The following AQP9 variants were observed in gnomAD, a reference collection of about 807,000 sequenced individuals.
AQP9 encodes aquaporin-9.
In AQP9, 19 loss-of-function variants were observed where a neutral mutation model predicts 23.8. That is an observed-to-expected ratio of 0.80 (90% CI 0.56 to 1.17). The LOEUF (loss-of-function observed/expected upper bound fraction) is 1.17, where lower values mean the gene tolerates loss of function less well. Among genes scored for constraint, AQP9 ranks in the 50% most tolerant of loss-of-function variants. The pLI, the probability that AQP9 is intolerant of heterozygous loss-of-function variation, is 0.00. For missense variants in AQP9, 413 were observed against 362.0 expected (o/e 1.14, Z -1.14); for synonymous variants, 153 against 131.5 (o/e 1.16, Z -1.12).
At chr15:58,144,787 G>T (rs867043240) in intron 1 of AQP9, among the ~76,000 whole-genome samples, 85 of 151,434 alleles carry the variant, frequency 5.6e-4, no homozygotes, top group African/African-American at 2.0e-3. Flanking sequence ...AGGCCGAGGT[G>T]GGCGGATCAA....
chr15:58,143,329 A>G (rs1897983106), intron 1 of AQP9, among the ~76,000 whole-genome samples: 1 of 152,180 alleles, frequency 6.6e-6, no homozygotes, highest in South Asian at 2.1e-4. Flanking sequence ...AAATATGATG[A>G]CGAGGACAAG....
At chr15:58,178,595 T>C (rs1363849709) in intron 4 of AQP9, among the ~76,000 whole-genome samples, 1 of 152,250 alleles carries the variant, frequency 6.6e-6, no homozygotes, top group Non-Finnish European at 1.5e-5. Flanking sequence ...GGGTATCTTT[T>C]TCCTAACATT....
Position 58,156,846 on chromosome 15 carries a change from C to T in AQP9, c.112-9827C>T, listed in dbSNP as rs1035412362. Among the ~76,000 whole-genome samples, 3 of 152,168 alleles carry T rather than the reference C, an allele frequency of 2.0e-5. No individual in the cohort carries two copies. In the South Asian group the frequency reaches 6.2e-4, roughly 32 times the overall value. On this transcript the variant is annotated intron_variant, in intron 1 of 5. Coordinates refer to ENST00000219919, the MANE Select transcript of AQP9 (RefSeq NM_020980.5). ...AGAACATTCAGGTGCGTCTGCCATA[C>T]AGGATCTGGCTAAGGGTAGGCTTAA...
chr15:58,179,904 T>C (rs1216845530), intron 5 of AQP9, among the ~76,000 whole-genome samples: 1 of 152,166 alleles, frequency 6.6e-6, no homozygotes, highest in Non-Finnish European at 1.5e-5. Flanking sequence ...GGAACACAGA[T>C]AACGTGTGAG....
rs1898541088 is a variant in AQP9 at position 58,167,814 on chromosome 15, C to G, written c.238+1015C>G. Among the ~76,000 whole-genome samples the G allele has an allele frequency of 2.0e-5, 3 of 152,156 alleles. No individual in the cohort carries two copies. The South Asian group carries it at 6.2e-4, about 31-fold the overall frequency. Reference sequence around the variant, plus strand: ...CTTGGCTCACTGCAACCTACACCTCCTGGGTTCAAGCGATTCTCCCGCCTC... The same window carrying G: ...CTTGGCTCACTGCAACCTACACCTCGTGGGTTCAAGCGATTCTCCCGCCTC... On this transcript the variant is annotated intron_variant, in intron 2 of 5. Coordinates refer to ENST00000219919, the MANE Select transcript of AQP9 (RefSeq NM_020980.5).
At chr15:58,159,973 G>A (rs1898339961) in intron 1 of AQP9, among the ~76,000 whole-genome samples, 2 of 152,206 alleles carry the variant, frequency 1.3e-5, no homozygotes, top group African/African-American at 4.8e-5. Flanking sequence ...AAACATGAGA[G>A]TGCAGACAGC....
intron 2 of AQP9, among the ~76,000 whole-genome samples, chr15:58,170,366 G>A (rs2007958): frequency 0.17 from 25,170 of 151,536 alleles, 2,154 homozygotes; most frequent in African/African-American, 0.19. Flanking sequence ...GTAGATCACT[G>A]TAGTCTGAGC....
At position 58,179,605 on chromosome 15, in the gene AQP9, C is replaced by T. The variant is rs184328427; in HGVS notation, c.713+260C>T. 3.0e-3 allele frequency among the ~76,000 whole-genome samples: 457 copies of T among 152,104 alleles called. 2 individuals are homozygous for T. The highest frequency in any genetic ancestry group is 3.3e-3 in the Non-Finnish European group (224 of 67,990). On this transcript the variant is annotated intron_variant, in intron 5 of 5. Transcript: ENST00000219919. ...ATTCAATAGAGATAAAACTGTCCCA[C>T]ATAATAATAATCCCTCAATTGCTAT...
intron 2 of AQP9, among the ~76,000 whole-genome samples, chr15:58,171,730 C>G (rs1898626689): frequency 6.6e-6 from 1 of 152,200 alleles, no homozygotes; most frequent in African/African-American, 2.4e-5. Context: ...ATCCCCCACC[C>G]ACTGCAAGTC....
At chr15:58,153,948 G>A (rs997830924) in intron 1 of AQP9, 6 of 151,976 alleles carry the variant, frequency 3.9e-5, no homozygotes, top group Non-Finnish European at 8.8e-5. Flanking sequence ...ACCCAATTAA[G>A]CACCTAATAA....
Position 58,184,146 on chromosome 15 carries a change from AGCTC to A in AQP9, c.*12_*15del, listed in dbSNP as rs779109780. On this transcript the variant is annotated 3_prime_UTR_variant, in exon 6 of 6. Transcript: ENST00000219919. ...AGTGTCATCATGTAGTGGCATGCTC[AGCTC>A]TGGATTTGCAGTCAGTTTGGGATTC... 11 of 1,610,758 alleles carry A rather than the reference AGCTC, an allele frequency of 6.8e-6. No homozygotes were observed. The highest frequency in any genetic ancestry group is 9.3e-6 in the Non-Finnish European group (11 of 1,177,782).
chr15:58,179,398 GT>G, intron 5 of AQP9, 53 bp downstream of exon 5: 1 of 1,508,042 alleles, frequency 6.6e-7, no homozygotes, highest in Admixed American at 1.9e-5. Flanking sequence ...CGCCTCACCA[GT>G]GGGGCGGGGC....
intron 2 of AQP9, among the ~76,000 whole-genome samples, chr15:58,170,112 T>C (rs1489200773): frequency 6.6e-6 from 1 of 152,150 alleles, no homozygotes. Context: ...TCTCTGACTC[T>C]AGTTCTCATG....
rs544271169 is a variant in AQP9, at chr15:58,184,700, T to C, written c.*565T>C. ...CCTAGTGGTGTAGGGAGCAAGAGAA[T>C]GCAGCTGGAAGGCACAAGGGGAGGA... is the stretch of plus-strand genomic sequence containing the variant. On this transcript the variant is annotated 3_prime_UTR_variant, in exon 6 of 6. Coordinates refer to ENST00000219919, the MANE Select transcript of AQP9 (RefSeq NM_020980.5). 3 of 152,278 alleles carry C rather than the reference T, an allele frequency of 2.0e-5. No individual in the cohort carries two copies. Among genetic ancestry groups the C allele is most frequent in the African/African-American group, 7.2e-5 (3 of 41,536 alleles). The allele number at this position is 152,278 out of a possible 1,614,324, so 9.4% of individuals were successfully genotyped here. A position where few individuals can be genotyped will look rare whatever the true frequency, so the allele number is the denominator to read the frequency against.
chr15:58,144,164 T>A (rs1176356206), intron 1 of AQP9, among the ~76,000 whole-genome samples: 2 of 152,126 alleles, frequency 1.3e-5, no homozygotes, highest in Non-Finnish European at 2.9e-5. Flanking sequence ...CTCTTTGGGA[T>A]ACTTTACTTT....
chr15:58,146,441 T>C (rs1185248504), intron 1 of AQP9, among the ~76,000 whole-genome samples: 2 of 152,098 alleles, frequency 1.3e-5, no homozygotes, highest in East Asian at 1.9e-4. Context: ...TTCTATATGT[T>C]TTATTTGGTT....
chr15:58,139,816 T>TA (rs1161034105), intron 1 of AQP9, among the ~76,000 whole-genome samples: 1 of 152,226 alleles, frequency 6.6e-6, no homozygotes, highest in Non-Finnish European at 1.5e-5. Context: ...TTCAGGGAGT[T>TA]ACGGACAATT....
At chr15:58,162,057 A>G (rs1275256274) in intron 1 of AQP9, among the ~76,000 whole-genome samples, 2 of 152,248 alleles carry the variant, frequency 1.3e-5, no homozygotes, top group Admixed American at 1.3e-4. Flanking sequence ...AAACAGTTAA[A>G]TAACATTCCA....
intron 2 of AQP9, among the ~76,000 whole-genome samples, chr15:58,170,704 A>G (rs1036764499): frequency 8.6e-5 from 13 of 152,044 alleles, no homozygotes; most frequent in Admixed American, 8.5e-4. Context: ...TGCCCTGCCT[A>G]TTTCTTCAGC....
Sources: allele counts gnomAD v4.1 joint callset (sites outside exome capture counted in the v4.1 genomes callset), GRCh38; gene constraint gnomAD v4.1.1; transcripts MANE v1.5; gene names NCBI Gene and HGNC (gene_info 2026-07-23, HGNC 2026-07-21).